The following ADAMTS17 variants were observed in gnomAD, a reference collection of about 807,000 sequenced individuals.
The protein encoded by ADAMTS17 is ADAM metallopeptidase with thrombospondin type 1 motif 17.
A neutral mutation model predicts 141.5 loss-of-function variants in ADAMTS17; 113 were observed. The ratio of observed to expected loss-of-function variants is 0.80; its 90% CI spans 0.69 to 0.93. The LOEUF (loss-of-function observed/expected upper bound fraction) is 0.93, where lower values mean the gene tolerates loss of function less well. ADAMTS17 is among the 40% of genes least tolerant of loss of function. ADAMTS17 has a pLI of 0.00. For missense variants in ADAMTS17, 1,659 were observed against 1,517.9 expected (o/e 1.09, Z -1.54); for synonymous variants, 768 against 630.6 (o/e 1.22, Z -3.27).
chr15:100,082,232 A>G (rs572355496), intron 15 of ADAMTS17, among the ~76,000 whole-genome samples: 1 of 151,962 alleles, frequency 6.6e-6, no homozygotes, highest in Non-Finnish European at 1.5e-5. Flanking sequence ...CGCCCAGCTA[A>G]TTTTTGTATT....
intron 15 of ADAMTS17, among the ~76,000 whole-genome samples, chr15:100,072,466 A>T (rs568161661): frequency 1.3e-5 from 2 of 151,594 alleles, no homozygotes; most frequent in Admixed American, 1.3e-4. Context: ...CTAAGCCAAA[A>T]GAACAAAGCT....
intron 2 of ADAMTS17, 132 bp downstream of exon 2, chr15:100,340,907 A>G (rs551255629): frequency 7.3e-7 from 1 of 1,375,394 alleles, no homozygotes; most frequent in Non-Finnish European, 9.9e-7. Context: ...AGAGGTGGAA[A>G]GGCAGGGGGT....
intron 15 of ADAMTS17, among the ~76,000 whole-genome samples, chr15:100,083,073 C>G (rs2034861224): frequency 6.6e-6 from 1 of 152,154 alleles, no homozygotes; most frequent in Non-Finnish European, 1.5e-5. Flanking sequence ...ATTTCACCGG[C>G]CACTTAAACG....
chr15:100,334,572 T>C (rs1040225778), intron 2 of ADAMTS17, among the ~76,000 whole-genome samples: 1 of 151,998 alleles, frequency 6.6e-6, no homozygotes, highest in African/African-American at 2.4e-5. Flanking sequence ...ACACACCTCT[T>C]TCGATCCTCC....
chr15:100,269,006 A>C, intron 4 of ADAMTS17, among the ~76,000 whole-genome samples: 1 of 152,208 alleles, frequency 6.6e-6, no homozygotes, highest in East Asian at 1.9e-4. Flanking sequence ...AATCTTTGAC[A>C]AAGTTAACAA....
chr15:100,091,723 T>C (rs953453002), intron 15 of ADAMTS17, among the ~76,000 whole-genome samples: 3 of 152,208 alleles, frequency 2.0e-5, no homozygotes, highest in African/African-American at 7.2e-5. Context: ...GGTACCATGA[T>C]GGACTAGAGG....
At position 100,341,913 on chromosome 15, in the gene ADAMTS17, G is replaced by C. The variant is rs1302995262; in HGVS notation, c.-14C>G. 1.9e-6 allele frequency: 3 copies of C among 1,545,210 alleles called. No individual in the cohort carries two copies. Among genetic ancestry groups the C allele is most frequent in the East Asian group, 2.5e-5 (1 of 40,644 alleles). ...GCCGTCACACATGGTACCCGGGACC[G>C]GCAGCCCCCCCGGACCGTGGCGGCG... On this transcript the variant is annotated 5_prime_UTR_variant, in exon 1 of 22. Transcript: ENST00000268070.
chr15:99,988,013 G>T (rs1336131526), intron 20 of ADAMTS17, among the ~76,000 whole-genome samples: 1 of 151,880 alleles, frequency 6.6e-6, no homozygotes, highest in East Asian at 1.9e-4. Context: ...CTCTCTGCTT[G>T]GTAAAACCAA....
At chr15:100,071,030 A>G (rs2033931870) in intron 15 of ADAMTS17, among the ~76,000 whole-genome samples, 3 of 150,348 alleles carry the variant, frequency 2.0e-5, no homozygotes, top group Non-Finnish European at 4.4e-5. Flanking sequence ...ACAAGAATCA[A>G]ATAGATGCAA....
chr15:100,125,844 G>C (rs1186028576), intron 12 of ADAMTS17, among the ~76,000 whole-genome samples: 1 of 152,118 alleles, frequency 6.6e-6, no homozygotes, highest in African/African-American at 2.4e-5. Context: ...AAATAATTGT[G>C]TGTGGGGGGA....
chr15:100,115,785 G>A (rs1017192479), intron 13 of ADAMTS17, among the ~76,000 whole-genome samples: 2 of 152,158 alleles, frequency 1.3e-5, no homozygotes, highest in African/African-American at 4.8e-5. Flanking sequence ...CTAAAAATCA[G>A]GCCCAGTTTC....
At chr15:100,283,930 AC>A (rs1416829919) in intron 3 of ADAMTS17, among the ~76,000 whole-genome samples, 3 of 151,872 alleles carry the variant, frequency 2.0e-5, no homozygotes, top group Admixed American at 6.6e-5. Context: ...ACCTGGTGAA[AC>A]CCCGTCTCTA....
At chr15:100,185,646 T>G in intron 8 of ADAMTS17, among the ~76,000 whole-genome samples, 1 of 152,220 alleles carries the variant, frequency 6.6e-6, no homozygotes, top group Non-Finnish European at 1.5e-5. Context: ...CCTCTTTTCC[T>G]GTAACTTGCA....
At chr15:100,008,411 G>C (rs566696208) in intron 18 of ADAMTS17, among the ~76,000 whole-genome samples, 2 of 152,208 alleles carry the variant, frequency 1.3e-5, no homozygotes, top group South Asian at 4.1e-4. Context: ...CCTGCCCACA[G>C]GTGGTGCCTC....
chr15:100,154,872 CCA>C lies in ADAMTS17; in HGVS notation c.1322+306_1322+307del, dbSNP rs556188262. Among the ~76,000 whole-genome samples, 15 of 152,306 alleles carry C rather than the reference CCA, an allele frequency of 9.8e-5. No homozygotes were observed. In the South Asian group the frequency reaches 3.1e-3, roughly 32 times the overall value. On this transcript the variant is annotated intron_variant, in intron 9 of 21. Transcript: ENST00000268070. Reference sequence around the variant, plus strand: ...GCGGCCCAGGGGCGCCCCAAGGTGACCACACGGTCACAACACTGCAGAGGAAT... The same window carrying C: ...GCGGCCCAGGGGCGCCCCAAGGTGACCACGGTCACAACACTGCAGAGGAAT...
intron 14 of ADAMTS17, among the ~76,000 whole-genome samples, chr15:100,105,056 G>A (rs1033400112): frequency 2.0e-5 from 3 of 152,190 alleles, no homozygotes; most frequent in African/African-American, 4.8e-5. Context: ...AATAGCAGAT[G>A]GCTTTTTAAC....
At chr15:100,230,095 C>T (rs886389354) in intron 7 of ADAMTS17, among the ~76,000 whole-genome samples, 13 of 152,322 alleles carry the variant, frequency 8.5e-5, no homozygotes, top group South Asian at 2.1e-4. Context: ...TAACCAACAC[C>T]GGGCACTTAA....
rs1026359448 is a variant in ADAMTS17 at position 99,971,548 on chromosome 15, T to C, written c.*2854A>G. On this transcript the variant is annotated 3_prime_UTR_variant, in exon 22 of 22. Coordinates refer to ENST00000268070, the MANE Select transcript of ADAMTS17 (RefSeq NM_139057.4). ...CGTCCAATGTTTGTCTTCCGTTTTT[T>C]TTCCTTTCAAAACCAGCCCCAAAAA... 6.6e-6 allele frequency: 1 copy of C among 152,264 alleles called. No homozygotes were observed. Among genetic ancestry groups the C allele is most frequent in the African/African-American group, 2.4e-5 (1 of 41,472 alleles). 9.4% of individuals were successfully genotyped at this position (152,264 alleles called of 1,614,324 possible).
intron 20 of ADAMTS17, among the ~76,000 whole-genome samples, chr15:99,984,997 G>A (rs2060556675): frequency 6.6e-6 from 1 of 152,248 alleles, no homozygotes; most frequent in Admixed American, 6.5e-5. Context: ...GCATGGCCCT[G>A]CGGCCCGCCT....
Sources: allele counts gnomAD v4.1 joint callset (sites outside exome capture counted in the v4.1 genomes callset), GRCh38; gene constraint gnomAD v4.1.1; transcripts MANE v1.5; gene names NCBI Gene and HGNC (gene_info 2026-07-23, HGNC 2026-07-21).